The following SEMA5B variants were observed in gnomAD, a reference collection of about 807,000 sequenced individuals.
The protein encoded by SEMA5B is semaphorin-5B.
A neutral mutation model predicts 135.0 loss-of-function variants in SEMA5B; 66 were observed. That is an observed-to-expected ratio of 0.49 (90% CI 0.40 to 0.60). The LOEUF is 0.60. Among genes scored for constraint, SEMA5B ranks in the 20% least tolerant of loss-of-function variants. SEMA5B has a pLI of 0.00. For synonymous variants in SEMA5B, 690 were observed against 639.5 expected, an observed-to-expected ratio of 1.08 and a Z score of -1.19; for missense variants, 1,501 against 1,566.3, an observed-to-expected ratio of 0.96 and a Z score of 0.70.
chr3:122,966,407 G>A (rs1405847591), intron 1 of SEMA5B, among the ~76,000 whole-genome samples: 2 of 152,190 alleles, frequency 1.3e-5, no homozygotes, highest in Non-Finnish European at 2.9e-5. Context: ...CTGTAGTACT[G>A]CCTGAAATTG....
chr3:122,944,477 C>A (rs888855863), intron 3 of SEMA5B, among the ~76,000 whole-genome samples: 3 of 152,190 alleles, frequency 2.0e-5, no homozygotes, highest in African/African-American at 7.2e-5. Flanking sequence ...TCCTAGATCT[C>A]CAGGCTCAGT....
At chr3:122,919,402 C>T (rs186981913) in intron 12 of SEMA5B, among the ~76,000 whole-genome samples, 159 of 152,326 alleles carry the variant, frequency 1.0e-3, no homozygotes, top group Middle Eastern at 0.01. Context: ...ACTGATCTCT[C>T]TCTGGCCAGG....
chr3:122,951,610 A>G (rs1348220994), intron 2 of SEMA5B, among the ~76,000 whole-genome samples: 1 of 152,216 alleles, frequency 6.6e-6, no homozygotes, highest in African/African-American at 2.4e-5. Flanking sequence ...TCTAACCCAG[A>G]GTGACCTCCT....
At chr3:123,016,415 A>G (rs1942558211) in intron 1 of SEMA5B, among the ~76,000 whole-genome samples, 1 of 152,222 alleles carries the variant, frequency 6.6e-6, no homozygotes, top group Non-Finnish European at 1.5e-5. Context: ...TATAACCTAC[A>G]CACATCCTCC....
intron 2 of SEMA5B, 55 bp downstream of exon 2, chr3:122,961,085 C>A: frequency 6.6e-7 from 1 of 1,517,456 alleles, no homozygotes; most frequent in South Asian, 1.3e-5. Context: ...TCTCCCTGCT[C>A]TCCCCTCAGT....
At position 122,909,989 on chromosome 3, in the gene SEMA5B, A is replaced by G. The variant is rs1459825550; in HGVS notation, c.*154T>C. 4 of 753,496 alleles carry G rather than the reference A, an allele frequency of 5.3e-6. No homozygotes were observed. The highest frequency in any genetic ancestry group is 8.6e-6 in the Non-Finnish European group (4 of 466,056). The allele number at this position is 753,496 out of a possible 1,614,324, so 46.7% of individuals were successfully genotyped here. A position where few individuals can be genotyped will look rare whatever the true frequency, so the allele number is the denominator to read the frequency against. ...CTTTCCCCCATGGTCAATGCCAGCC[A>G]GAGCTCTCTGAAGCCGGATGGGACC... On this transcript the variant is annotated 3_prime_UTR_variant, in exon 23 of 23. Coordinates refer to ENST00000357599, the MANE Select transcript of SEMA5B (RefSeq NM_001031702.4).
intron 9 of SEMA5B, among the ~76,000 whole-genome samples, chr3:122,924,819 G>GTGATCACCACTC (rs1220206138): frequency 6.6e-6 from 1 of 152,146 alleles, no homozygotes; most frequent in East Asian, 1.9e-4. Flanking sequence ...CCTACAGGAA[G>GTGATCACCACTC]CTTTCCCTGA....
In SEMA5B at chr3:122,954,792, CT is replaced by C. The variant is rs34786092; in HGVS notation, c.125-6084del. ...AATATGGGCCCTGTGGGGTGGTCAT[CT>C]TTTTTTTTTTTTTTTTTTGAGACAG... On this transcript the variant is annotated intron_variant, in intron 2 of 22. Coordinates refer to ENST00000357599, the MANE Select transcript of SEMA5B (RefSeq NM_001031702.4). Among the ~76,000 whole-genome samples, 821 of 129,906 alleles carry C rather than the reference CT, an allele frequency of 6.3e-3. 5 individuals carry two copies. The highest frequency in any genetic ancestry group is 0.015 in the African/African-American group (537 of 35,236). The allele number at this position is 129,906 out of a possible 152,430, so 85.2% of individuals were successfully genotyped here. A position where few individuals can be genotyped will look rare whatever the true frequency, so the allele number is the denominator to read the frequency against.
At chr3:122,995,391 C>A (rs1281793741) in intron 1 of SEMA5B, among the ~76,000 whole-genome samples, 2 of 152,098 alleles carry the variant, frequency 1.3e-5, no homozygotes, top group Non-Finnish European at 2.9e-5. Context: ...ACCAGAAAAC[C>A]CTCGATAACC....
chr3:122,929,035 C>G lies in SEMA5B; in HGVS notation c.498G>C (p.Glu166Asp). Reference protein sequence around the residue: ...LLQATEWASSEDTRRSCQSKG... With the variant: ...LLQATEWASSDDTRRSCQSKG... ...TGCTTTGGCAGGAGCGGCGCGTGTC[C>G]TCACTGGAGGCCCACTCTGTGGCCT... is the stretch of plus-strand genomic sequence containing the variant. The change falls in exon 6 of 23, where the codon GAG becomes GAC. Residue 166 changes from glutamate to aspartate, a missense_variant. Around this residue, in one of 2 missense-constraint regions of SEMA5B, gnomAD observed 574 missense variants for 684.7 expected, o/e 0.84. Transcript: ENST00000357599. 1 of 1,612,186 alleles carries G rather than the reference C, an allele frequency of 6.2e-7. No homozygotes were observed. The highest frequency in any genetic ancestry group is 8.5e-7 in the Non-Finnish European group (1 of 1,180,022).
At chr3:122,990,899 G>A (rs1017737618) in intron 1 of SEMA5B, among the ~76,000 whole-genome samples, 9 of 152,170 alleles carry the variant, frequency 5.9e-5, no homozygotes, top group African/African-American at 2.2e-4. Flanking sequence ...AGCTCCCGAA[G>A]GCAGGGCTCA....
chr3:122,914,165 T>G (rs1048205197), intron 14 of SEMA5B, among the ~76,000 whole-genome samples, 164 bp from the exon 15 acceptor site: 14 of 152,246 alleles, frequency 9.2e-5, no homozygotes, highest in Admixed American at 9.2e-4. Context: ...GACTCGCTCA[T>G]CCATCCGTTC....
intron 3 of SEMA5B, among the ~76,000 whole-genome samples, chr3:122,947,970 C>CT (rs538795863): frequency 9.9e-5 from 15 of 152,266 alleles, no homozygotes; most frequent in African/African-American, 2.4e-4. Context: ...TTACAGACCC[C>CT]TTGGAATATG....
intron 1 of SEMA5B, among the ~76,000 whole-genome samples, chr3:122,978,347 G>A (rs1294063630): frequency 2.0e-5 from 3 of 152,228 alleles, no homozygotes; most frequent in East Asian, 1.9e-4. Context: ...CTGGGGAAGC[G>A]AGCAGCTCAA....
intron 1 of SEMA5B, among the ~76,000 whole-genome samples, chr3:122,961,961 A>G (rs1430929774): frequency 6.6e-6 from 1 of 152,122 alleles, no homozygotes; most frequent in Non-Finnish European, 1.5e-5. Flanking sequence ...AGCTAGCCAC[A>G]TTGCAATCTC....
intron 9 of SEMA5B, 132 bp from the exon 10 acceptor site, chr3:122,923,884 G>A: frequency 1.0e-6 from 1 of 981,672 alleles, no homozygotes; most frequent in South Asian, 1.5e-5. Context: ...GGCACATGGG[G>A]GGATCTCAAA....
rs1270612840 is a variant in SEMA5B, at chr3:122,912,066, C to T, written c.2900G>A (p.Gly967Asp). 20 of 1,609,270 alleles carry T rather than the reference C, an allele frequency of 1.2e-5. No homozygotes were observed. Among genetic ancestry groups the T allele is most frequent in the Non-Finnish European group, 1.5e-5 (18 of 1,176,438 alleles). The stretch of plus-strand genomic sequence containing the variant: ...ACTCCACTCAGACCAGGGCGACCAG[C>T]CTTCTGGGGATTGTGGGTAGGATGA... ...ALCATQACPE[G>D]WSPWSEWSKC... The change falls in exon 20 of 23, where the codon GGC becomes GAC. Residue 967 changes from glycine to aspartate, a missense_variant. By Grantham distance (94) the Gly-to-Asp change is moderately conservative. Coordinates refer to ENST00000357599, the MANE Select transcript of SEMA5B (RefSeq NM_001031702.4).
At chr3:123,005,657 G>A (rs1942292250) in intron 1 of SEMA5B, among the ~76,000 whole-genome samples, 1 of 152,180 alleles carries the variant, frequency 6.6e-6, no homozygotes, top group African/African-American at 2.4e-5. Context: ...AGAATAAATA[G>A]GGACTCAGGA....
chr3:123,014,567 G>A (rs545684517), intron 1 of SEMA5B, among the ~76,000 whole-genome samples: 14 of 152,334 alleles, frequency 9.2e-5, no homozygotes, highest in African/African-American at 3.4e-4. Context: ...CTGGCCGCCT[G>A]CAGGGAAGTG....
Sources: allele counts gnomAD v4.1 joint callset (sites outside exome capture counted in the v4.1 genomes callset), GRCh38; gene constraint gnomAD v4.1.1; regional missense constraint gnomAD v4.1.1; transcripts MANE v1.5; gene names NCBI Gene and HGNC (gene_info 2026-07-23, HGNC 2026-07-21).